Variants in FHOD3 observed in about 807,000 individuals in gnomAD.
The protein encoded by FHOD3 is FH1/FH2 domain-containing protein 3.
FHOD3 carries 90 observed loss-of-function variants against 173.0 expected under a neutral mutation model. That is an observed-to-expected ratio of 0.52 (90% confidence interval 0.44 to 0.62). The LOEUF is 0.62. Among genes scored for constraint, FHOD3 ranks in the 20% least tolerant of loss-of-function variants. FHOD3 has a pLI of 0.00. For synonymous variants in FHOD3, 828 were observed against 823.0 expected, an observed-to-expected ratio of 1.01 and a Z score of -0.10; for missense variants, 1,945 against 2,034.7, an observed-to-expected ratio of 0.96 and a Z score of 0.85.
intron 3 of FHOD3, among the ~76,000 whole-genome samples, chr18:36,473,474 C>T (rs552994805): frequency 6.6e-5 from 10 of 152,326 alleles, no homozygotes; most frequent in Middle Eastern, 3.4e-3. Context: ...ATTTGTCACC[C>T]AATTCCTGAT....
intron 3 of FHOD3, among the ~76,000 whole-genome samples, chr18:36,396,192 A>G (rs1388865568): frequency 6.6e-6 from 1 of 152,182 alleles, no homozygotes; most frequent in Non-Finnish European, 1.5e-5. Flanking sequence ...TGTAAAGTCC[A>G]GTAATTAGAC....
chr18:36,629,781 G>A (rs1470789862), intron 10 of FHOD3, among the ~76,000 whole-genome samples: 1 of 152,094 alleles, frequency 6.6e-6, no homozygotes, highest in Non-Finnish European at 1.5e-5. Flanking sequence ...AGGGGACTAT[G>A]TGATGAGTCC....
intron 5 of FHOD3, 87 bp downstream of exon 5, chr18:36,512,630 T>A: frequency 1.1e-6 from 1 of 921,482 alleles, no homozygotes; most frequent in Admixed American, 2.0e-5. Context: ...TGAGAGCTTT[T>A]TAAAAGACTT....
chr18:36,354,806 C>CA (rs879374185), intron 1 of FHOD3, among the ~76,000 whole-genome samples: 427 of 127,028 alleles, frequency 3.4e-3, no homozygotes, highest in Non-Finnish European at 5.1e-3. Flanking sequence ...ACTCTGTCGC[C>CA]AAAAAAAAAA....
chr18:36,586,909 C>T (rs1438986562), intron 6 of FHOD3, among the ~76,000 whole-genome samples: 4 of 152,202 alleles, frequency 2.6e-5, no homozygotes, highest in African/African-American at 9.6e-5. Context: ...CTGACAAAGC[C>T]AGTCCCCAAA....
chr18:36,395,035 C>T (rs2048481821), intron 3 of FHOD3, among the ~76,000 whole-genome samples: 2 of 152,104 alleles, frequency 1.3e-5, no homozygotes, highest in South Asian at 4.1e-4. Flanking sequence ...ATCAAGAACA[C>T]AAGAGTGGAT....
chr18:36,631,847 A>G (rs928925897), intron 10 of FHOD3, among the ~76,000 whole-genome samples: 2 of 152,240 alleles, frequency 1.3e-5, no homozygotes, highest in East Asian at 3.8e-4. Flanking sequence ...CCATTAGTAA[A>G]TGGACACTGC....
At chr18:36,729,714 T>C (rs1216693569) in intron 19 of FHOD3, among the ~76,000 whole-genome samples, 1 of 152,192 alleles carries the variant, frequency 6.6e-6, no homozygotes, top group African/African-American at 2.4e-5. Flanking sequence ...AACCTAAGTA[T>C]CTCTAAAGGC....
At chr18:36,420,956 T>C (rs2049953338) in intron 3 of FHOD3, among the ~76,000 whole-genome samples, 1 of 152,184 alleles carries the variant, frequency 6.6e-6, no homozygotes, top group East Asian at 1.9e-4. Context: ...TTTATCACTG[T>C]CTCTTTCACC....
At chr18:36,346,724 A>G (rs1274153105) in intron 1 of FHOD3, among the ~76,000 whole-genome samples, 17 of 151,924 alleles carry the variant, frequency 1.1e-4, no homozygotes, top group African/African-American at 4.1e-4. Context: ...TCCCTCTTCC[A>G]TCCCCACACT....
At chr18:36,389,097 G>A (rs1288924725) in intron 3 of FHOD3, among the ~76,000 whole-genome samples, 4 of 152,164 alleles carry the variant, frequency 2.6e-5, no homozygotes, top group Non-Finnish European at 5.9e-5. Context: ...GATGATATAG[G>A]ACATCTGAAT....
intron 1 of FHOD3, among the ~76,000 whole-genome samples, chr18:36,331,804 G>A (rs1221362395): frequency 6.6e-6 from 1 of 152,178 alleles, no homozygotes; most frequent in Non-Finnish European, 1.5e-5. Flanking sequence ...ATGCAGGGGA[G>A]TGGGGCACCG....
intron 8 of FHOD3, among the ~76,000 whole-genome samples, chr18:36,611,043 T>C (rs918533045): frequency 1.3e-5 from 2 of 152,220 alleles, no homozygotes; most frequent in African/African-American, 4.8e-5. Flanking sequence ...AGAGGTAGAA[T>C]TCAAAGAGAA....
intron 1 of FHOD3, among the ~76,000 whole-genome samples, chr18:36,332,335 G>C (rs1461356774): frequency 6.6e-6 from 1 of 152,192 alleles, no homozygotes; most frequent in East Asian, 1.9e-4. Flanking sequence ...TCACATAGGG[G>C]CTGGCTCTCC....
At chr18:36,544,319 A>C (rs897507772) in intron 5 of FHOD3, among the ~76,000 whole-genome samples, 5 of 152,244 alleles carry the variant, frequency 3.3e-5, no homozygotes, top group Admixed American at 2.0e-4. Flanking sequence ...AGAGTGGTCA[A>C]GGGTGAAGAG....
chr18:36,592,087 T>C (rs1454501102), intron 6 of FHOD3, among the ~76,000 whole-genome samples: 2 of 152,130 alleles, frequency 1.3e-5, no homozygotes, highest in Non-Finnish European at 2.9e-5. Context: ...GGCATGGTGG[T>C]GCGCACCTGT....
At position 36,600,252 on chromosome 18, in the gene FHOD3, A is replaced by AACACACACACACACAC. The variant is rs67473480; in HGVS notation, c.719-2400_719-2385dup. On this transcript the variant is annotated intron_variant, in intron 7 of 28. Coordinates refer to ENST00000590592, the MANE Select transcript of FHOD3 (RefSeq NM_001281740.3). Reference sequence around the variant, plus strand: ...CCAGTACAGGAACCCTCTCCTCTGCAACACACACACACACACACACACACA... The same window carrying AACACACACACACACAC: ...CCAGTACAGGAACCCTCTCCTCTGCAACACACACACACACACACACACACACACACACACACACACA... Among the ~76,000 whole-genome samples, 141 of 143,174 alleles carry AACACACACACACACAC rather than the reference A, an allele frequency of 9.8e-4. 1 individual carries two copies. The highest frequency in any genetic ancestry group is 3.0e-3 in the African/African-American group (117 of 38,450). 93.9% of individuals were successfully genotyped at this position (143,174 alleles called of 152,430 possible). A position where few individuals can be genotyped will look rare whatever the true frequency, so the allele number is the denominator to read the frequency against.
intron 1 of FHOD3, 26 bp downstream of exon 1, chr18:36,298,026 C>A (rs763010909): frequency 1.0e-4 from 152 of 1,481,842 alleles, no homozygotes; most frequent in Non-Finnish European, 1.3e-4. Context: ...GTGGGCTGGG[C>A]CCCCTGGACT....
At chr18:36,567,308 A>G in intron 5 of FHOD3, among the ~76,000 whole-genome samples, 1 of 152,250 alleles carries the variant, frequency 6.6e-6, no homozygotes, top group East Asian at 1.9e-4. Flanking sequence ...AGATGGAGGA[A>G]GGGAAAAAGA....
Sources: gnomAD v4.1 joint callset for allele counts (sites outside exome capture counted in the v4.1 genomes callset) on GRCh38, gnomAD v4.1.1 for gene constraint, MANE v1.5 for transcripts, NCBI Gene and HGNC (gene_info 2026-07-23, HGNC 2026-07-21) for gene names.